The following CDC45 variants were observed in gnomAD, a reference collection of about 807,000 sequenced individuals.
CDC45 encodes the protein cell division cycle 45, also known as cell division control protein 45 homolog.
Under a neutral mutation model 77.8 loss-of-function variants are expected in CDC45, and 54 were observed. That is an observed-to-expected ratio of 0.69 (90% CI 0.56 to 0.87). The LOEUF (loss-of-function observed/expected upper bound fraction) is 0.87, where lower values mean the gene tolerates loss of function less well. Among genes scored for constraint, CDC45 ranks in the 40% least tolerant of loss-of-function variants. CDC45 has a pLI of 0.00. For synonymous variants in CDC45, 260 were observed against 272.1 expected, an observed-to-expected ratio of 0.96 and a Z score of 0.44; for missense variants, 649 against 721.6, an observed-to-expected ratio of 0.90 and a Z score of 1.15.
intron 18 of CDC45, among the ~76,000 whole-genome samples, chr22:19,519,834 A>G (rs990842447): frequency 2.0e-5 from 3 of 152,214 alleles, no homozygotes; most frequent in Non-Finnish European, 4.4e-5. Context: ...GGCCTGGGCT[A>G]CATGGGGCCC....
Position 19,518,861 on chromosome 22 carries a change from G to A in CDC45, c.1654G>A (p.Glu552Lys). 2 of 1,614,106 alleles carry A rather than the reference G, an allele frequency of 1.2e-6. No homozygotes were observed. Among genetic ancestry groups the A allele is most frequent in the Admixed American group, 1.7e-5 (1 of 60,010 alleles). Residue 552 changes from glutamate (E) to lysine (K), a missense_variant, in exon 18 of 19, where the codon GAG (glutamate) becomes AAG (lysine). Coordinates refer to ENST00000263201, the MANE Select transcript of CDC45 (RefSeq NM_003504.5). Reference protein sequence around the residue: ...FDLSVIELKAEDRSKFLDALI... With the variant: ...FDLSVIELKAKDRSKFLDALI... Reference sequence around the variant, plus strand: ...TACTTCAGTAATTGAGCTGAAAGCTGAGGATCGGAGCAAGTTTCTGGACGC... The same window carrying A: ...TACTTCAGTAATTGAGCTGAAAGCTAAGGATCGGAGCAAGTTTCTGGACGC...
chr22:19,490,405 C>T (rs5748236), intron 5 of CDC45, among the ~76,000 whole-genome samples: 152,109 of 152,112 alleles, frequency 1, 76,053 homozygotes, highest in Middle Eastern at 1. Flanking sequence ...GATGGAGTTT[C>T]GCTCTGTTGC....
At position 19,508,543 on chromosome 22, in the gene CDC45, C is replaced by A. The variant is rs776018185; in HGVS notation, c.1069C>A (p.Arg357Ser). Reference sequence around the variant, plus strand: ...CTCCCATGACAGGATGAAGGACATGCGCGTGCAGACTTTCAGCATTCATTT... The same window carrying A: ...CTCCCATGACAGGATGAAGGACATGAGCGTGCAGACTTTCAGCATTCATTT... The part of the protein sequence containing the change: ...SANKFGMKDM[R>S]VQTFSIHFGF... The change falls in exon 13 of 19, where the codon CGC becomes AGC. Residue 357 changes from arginine to serine, a missense_variant. Physicochemically the swap from Arg to Ser is moderately radical, Grantham distance 110 (BLOSUM62 -1). Transcript: ENST00000263201. 2 of 1,614,188 alleles carry A rather than the reference C, an allele frequency of 1.2e-6. No individual in the cohort carries two copies. The highest frequency in any genetic ancestry group is 2.7e-5 in the African/African-American group (2 of 75,046).
intron 5 of CDC45, among the ~76,000 whole-genome samples, chr22:19,490,090 C>T (rs534046575): frequency 1.3e-5 from 2 of 152,360 alleles, no homozygotes; most frequent in South Asian, 2.1e-4. Flanking sequence ...AATATTGCCA[C>T]TCCTGCTCTC....
intron 2 of CDC45, 57 bp downstream of exon 2, chr22:19,480,274 T>C (rs2146323943): frequency 6.6e-7 from 1 of 1,517,216 alleles, no homozygotes; most frequent in Non-Finnish European, 9.1e-7. Context: ...GGGTGCTGCG[T>C]GGGGGCGCAG....
At chr22:19,519,685 C>G (rs1253407276) in intron 18 of CDC45, among the ~76,000 whole-genome samples, 3 of 152,268 alleles carry the variant, frequency 2.0e-5, no homozygotes, top group Non-Finnish European at 4.4e-5. Flanking sequence ...GTCCTCCCCA[C>G]TCTCCCATCC....
chr22:19,479,542 C>T (rs1403424752), upstream of CDC45: 1 of 565,586 alleles, frequency 1.8e-6, no homozygotes, highest in Non-Finnish European at 3.4e-6. Flanking sequence ...CACCAAAAAC[C>T]TATTGCAAAC....
At chr22:19,509,954 T>G (rs762973073) in intron 13 of CDC45, among the ~76,000 whole-genome samples, 107 of 152,150 alleles carry the variant, frequency 7.0e-4, no homozygotes, top group Non-Finnish European at 1.8e-4. Flanking sequence ...GTGATGGCTT[T>G]TATTTATTTT....
Position 19,508,710 on chromosome 22 carries a change from G to A in CDC45, c.1217+19G>A, listed in dbSNP as rs1933348592. ...TCTCCAGGTAGCAGGAGGGCTGTGG[G>A]TTTGCCTCATGGGGCCACCACTGGT... is the stretch of plus-strand genomic sequence containing the variant. On this transcript the variant is annotated intron_variant, in intron 13 of 18. Transcript: ENST00000263201. 5 of 1,611,656 alleles carry A rather than the reference G, an allele frequency of 3.1e-6. No individual in the cohort carries two copies. The highest frequency in any genetic ancestry group is 4.2e-6 in the Non-Finnish European group (5 of 1,178,618).
rs544987277 is a variant in CDC45, at chr22:19,489,468, T to C, written c.487-4859T>C. Among the ~76,000 whole-genome samples, 188 of 152,268 alleles carry C rather than the reference T, an allele frequency of 1.2e-3. 2 individuals are homozygous for C. Among genetic ancestry groups the C allele is most frequent in the African/African-American group, 4.4e-3 (181 of 41,540 alleles). ...CTGTAATTTCATTTCAACAATATTATGGAAATGGAAATGGAATTATACAGT... is the reference window on the plus strand; with the variant it reads ...CTGTAATTTCATTTCAACAATATTACGGAAATGGAAATGGAATTATACAGT... On this transcript the variant is annotated intron_variant, in intron 5 of 18. Transcript: ENST00000263201.
intron 4 of CDC45, 56 bp downstream of exon 4, chr22:19,482,883 T>C: frequency 6.5e-7 from 1 of 1,527,856 alleles, no homozygotes; most frequent in Non-Finnish European, 9.1e-7. Context: ...ATGTACAATG[T>C]CTCACCTGGT....
At chr22:19,480,613 A>G (rs2146325392) in intron 2 of CDC45, among the ~76,000 whole-genome samples, 1 of 152,112 alleles carries the variant, frequency 6.6e-6, no homozygotes, top group South Asian at 2.1e-4. Context: ...GGAATATGGG[A>G]GCCCCTAGTC....
chr22:19,507,425 C>G lies in CDC45; in HGVS notation c.864C>G (p.Asp288Glu). 1 of 1,614,170 alleles carries G rather than the reference C, an allele frequency of 6.2e-7. No individual in the cohort carries two copies. The highest frequency in any genetic ancestry group is 8.5e-7 in the Non-Finnish European group (1 of 1,180,032). ...LVLYQHWSLH[D>E]SLCNTSYTAA... ...TCTACCAGCACTGGTCCCTCCATGA[C>G]AGCCTGTGCAACACCAGCTATACCG... is the stretch of plus-strand genomic sequence containing the variant. Residue 288 changes from aspartate (D) to glutamate (E), a missense_variant, in exon 11 of 19, where the codon GAC (aspartate) becomes GAG (glutamate). By Grantham distance (45) the Asp-to-Glu change is conservative. Coordinates refer to ENST00000263201, the MANE Select transcript of CDC45 (RefSeq NM_003504.5).
intron 4 of CDC45, among the ~76,000 whole-genome samples, chr22:19,483,305 G>A (rs1424810238): frequency 2.6e-5 from 4 of 152,116 alleles, no homozygotes; most frequent in African/African-American, 4.8e-5. Context: ...AGTGTTGGAC[G>A]CTTGTAGTCC....
intron 5 of CDC45, among the ~76,000 whole-genome samples, chr22:19,488,850 G>A (rs1036380926): frequency 6.6e-6 from 1 of 152,044 alleles, no homozygotes; most frequent in African/African-American, 2.4e-5. Context: ...GTAGTTGTAA[G>A]AAGTAATATA....
chr22:19,512,967 G>A (rs1933595665), intron 13 of CDC45, among the ~76,000 whole-genome samples: 2 of 152,170 alleles, frequency 1.3e-5, no homozygotes, highest in South Asian at 4.1e-4. Context: ...AGACCATGTG[G>A]CAATGGAGGA....
At chr22:19,516,429 T>G in intron 15 of CDC45, 98 bp from the exon 16 acceptor site, 3 of 958,196 alleles carry the variant, frequency 3.1e-6, no homozygotes, top group Non-Finnish European at 5.0e-6. Context: ...CCTGGAGGCT[T>G]TGGGGAGTGG....
At position 19,516,602 on chromosome 22, in the gene CDC45, G is replaced by A. The variant is rs12158840; in HGVS notation, c.1516G>A (p.Val506Met). ...GAGCATGGAGCATGGCACAGTGACC[G>A]TGGTGGGCATCCCCCCAGAGACCGA... ...PLSMEHGTVTVVGIPPETDSS... is the reference protein window; with the variant it reads ...PLSMEHGTVTMVGIPPETDSS... The change falls in exon 16 of 19, where the codon GTG becomes ATG. Residue 506 changes from valine to methionine, a missense_variant. By Grantham distance (21) the Val-to-Met change is conservative. Coordinates refer to ENST00000263201, the MANE Select transcript of CDC45 (RefSeq NM_003504.5). 2.2e-5 allele frequency: 36 copies of A among 1,614,058 alleles called. No homozygotes were observed. The highest frequency in any genetic ancestry group is 1.6e-4 in the Middle Eastern group (1 of 6,062).
intron 8 of CDC45, among the ~76,000 whole-genome samples, chr22:19,498,303 T>C (rs541791936): frequency 6.6e-6 from 1 of 152,364 alleles, no homozygotes; most frequent in African/African-American, 2.4e-5. Context: ...TACTCCAGCC[T>C]GGGTGACTGA....
Sources: gnomAD v4.1 joint callset for allele counts (sites outside exome capture counted in the v4.1 genomes callset) on GRCh38, gnomAD v4.1.1 for gene constraint, MANE v1.5 for transcripts, NCBI Gene and HGNC (gene_info 2026-07-23, HGNC 2026-07-21) for gene names.